Variants in RAB21 observed in about 807,000 individuals in gnomAD.
RAB21 encodes the protein RAB21, member RAS oncogene family, also known as ras-related protein Rab-21.
Under a neutral mutation model 33.1 loss-of-function variants are expected in RAB21, and 13 were observed. The observed-to-expected ratio is 0.39, with a 90% CI of 0.26 to 0.62. The LOEUF is 0.62. Ranked by LOEUF, RAB21 falls within the 20% of genes least tolerant of loss-of-function variation. The pLI is 0.48. For synonymous variants in RAB21, 91 were observed against 103.7 expected (o/e 0.88, Z 0.74); for missense variants, 234 against 279.1 (o/e 0.84, Z 1.15).
chr12:71,778,819 T>C (rs1330572358), intron 4 of RAB21, among the ~76,000 whole-genome samples: 2 of 152,130 alleles, frequency 1.3e-5, no homozygotes, highest in African/African-American at 2.4e-5. Context: ...TAAACTAAGT[T>C]AGCTAGATGA....
At chr12:71,770,529 A>G (rs560360765) in intron 2 of RAB21, 63 bp from the exon 3 acceptor site, 252 of 1,108,340 alleles carry the variant, frequency 2.3e-4, no homozygotes, top group African/African-American at 6.2e-4. Flanking sequence ...AAAGTTCACC[A>G]TAGTTGCAAT....
At chr12:71,765,845 G>A (rs1479132539) in intron 1 of RAB21, among the ~76,000 whole-genome samples, 11 of 151,844 alleles carry the variant, frequency 7.2e-5, no homozygotes. Context: ...CTATCTTGAT[G>A]TTTCAGCTTT....
rs1432013081 is a variant in RAB21, at chr12:71,775,183, A to G, written c.391+1161A>G. Among the ~76,000 whole-genome samples, 5 of 152,176 alleles carry G rather than the reference A, an allele frequency of 3.3e-5. 1 individual carries two copies. Among genetic ancestry groups the G allele is most frequent in the Admixed American group, 3.3e-4 (5 of 15,286 alleles). ...ATTTCTGTGATATCACAAGTATTGA[A>G]CAATAAAAGTATACTAAACACTGTG... On this transcript the variant is annotated intron_variant, in intron 4 of 6. Coordinates refer to ENST00000261263, the MANE Select transcript of RAB21 (RefSeq NM_014999.4).
chr12:71,781,592 C>G (rs1409861893), intron 4 of RAB21, among the ~76,000 whole-genome samples: 1 of 152,032 alleles, frequency 6.6e-6, no homozygotes, highest in Non-Finnish European at 1.5e-5. Flanking sequence ...TTGTAGGATC[C>G]AAGAGGCTAG....
Position 71,788,144 on chromosome 12 carries a change from A to G in RAB21, c.*2471A>G, listed in dbSNP as rs1267151556. On this transcript the variant is annotated 3_prime_UTR_variant, in exon 7 of 7. Coordinates refer to ENST00000261263, the MANE Select transcript of RAB21 (RefSeq NM_014999.4). Reference sequence around the variant, plus strand: ...TAAAAGGCACAAAAACTAGTTAGAGATGAAATTGAGCTTTATTTTAAAAAA... The same window carrying G: ...TAAAAGGCACAAAAACTAGTTAGAGGTGAAATTGAGCTTTATTTTAAAAAA... 6.6e-6 allele frequency: 1 copy of G among 152,076 alleles called. No homozygotes were observed. Among genetic ancestry groups the G allele is most frequent in the Non-Finnish European group, 1.5e-5 (1 of 68,030 alleles). 9.4% of individuals were successfully genotyped at this position (152,076 alleles called of 1,614,324 possible). A position where few individuals can be genotyped will look rare whatever the true frequency, so the allele number is the denominator to read the frequency against.
rs374205772 is a variant in RAB21, at chr12:71,783,924, T to C, written c.535+1266T>C. Among the ~76,000 whole-genome samples the C allele has an allele frequency of 2.1e-5, 3 of 146,204 alleles. No homozygotes were observed. In the East Asian group the frequency reaches 6.8e-4, roughly 33 times the overall value. ...ATGCACTAAGTCAGTGGCTTACAAATGTTATAAATATCACATCTTCAAAAC... is the reference window on the plus strand; with the variant it reads ...ATGCACTAAGTCAGTGGCTTACAAACGTTATAAATATCACATCTTCAAAAC... On this transcript the variant is annotated intron_variant, in intron 6 of 6. Coordinates refer to ENST00000261263, the MANE Select transcript of RAB21 (RefSeq NM_014999.4).
rs914386709 is a variant in RAB21, at chr12:71,792,008, G to A, written c.*6335G>A. On this transcript the variant is annotated 3_prime_UTR_variant, in exon 7 of 7. Transcript: ENST00000261263. The stretch of plus-strand genomic sequence containing the variant: ...GACTTCGAAGTAGCTGGTATTACAG[G>A]TGCATAACACCACCACCCACGCCTG... 2.6e-5 allele frequency: 4 copies of A among 152,070 alleles called. No individual in the cohort carries two copies. Among genetic ancestry groups the A allele is most frequent in the African/African-American group, 9.7e-5 (4 of 41,368 alleles). The allele number at this position is 152,070 out of a possible 1,614,324, so 9.4% of individuals were successfully genotyped here.
At chr12:71,784,024 A>G (rs1023282327) in intron 6 of RAB21, among the ~76,000 whole-genome samples, 1 of 152,252 alleles carries the variant, frequency 6.6e-6, no homozygotes, top group Non-Finnish European at 1.5e-5. Context: ...ATTTTAAAAC[A>G]TACCTAAAAA....
chr12:71,769,792 C>G lies in RAB21; in HGVS notation c.160-8C>G. The G allele has an allele frequency of 1.5e-6, 2 of 1,325,102 alleles. No individual in the cohort carries two copies. Among genetic ancestry groups the G allele is most frequent in the East Asian group, 2.7e-5 (1 of 37,274 alleles). 82.1% of individuals were successfully genotyped at this position (1,325,102 alleles called of 1,614,324 possible). A position where few individuals can be genotyped will look rare whatever the true frequency, so the allele number is the denominator to read the frequency against. ...GAAACATTGTTTAATGTTTATTTCT[C>G]TTTTTAGGCATCATTCTTAACAAAG... On this transcript the variant is annotated splice_region_variant and splice_polypyrimidine_tract_variant and intron_variant, in intron 1 of 6. Transcript: ENST00000261263.
At chr12:71,755,313 G>T in intron 1 of RAB21, 25 bp downstream of exon 1, 1 of 1,486,992 alleles carries the variant, frequency 6.7e-7, no homozygotes, top group Non-Finnish European at 8.9e-7. Flanking sequence ...GAGCGGGAGG[G>T]GGCGCCTCAG....
chr12:71,782,557 A>G lies in RAB21; in HGVS notation c.447-13A>G, dbSNP rs1337275717. ...ATATTTTACATCAATCACCGATGTT[A>G]CTTTTTTTTAAGGTATGCAGAATCT... On this transcript the variant is annotated splice_polypyrimidine_tract_variant and intron_variant, in intron 5 of 6. Coordinates refer to ENST00000261263, the MANE Select transcript of RAB21 (RefSeq NM_014999.4). The G allele has an allele frequency of 1.3e-6, 2 of 1,529,534 alleles. No individual in the cohort carries two copies. Among genetic ancestry groups the G allele is most frequent in the Non-Finnish European group, 1.8e-6 (2 of 1,119,848 alleles). 94.7% of individuals were successfully genotyped at this position (1,529,534 alleles called of 1,614,324 possible). A position where few individuals can be genotyped will look rare whatever the true frequency, so the allele number is the denominator to read the frequency against.
chr12:71,788,043 G>A lies in RAB21; in HGVS notation c.*2370G>A, dbSNP rs894299100. The A allele has an allele frequency of 2.6e-5, 4 of 152,190 alleles. No individual in the cohort carries two copies. The highest frequency in any genetic ancestry group is 5.9e-5 in the Non-Finnish European group (4 of 68,052). 9.4% of individuals were successfully genotyped at this position (152,190 alleles called of 1,614,324 possible). A position where few individuals can be genotyped will look rare whatever the true frequency, so the allele number is the denominator to read the frequency against. On this transcript the variant is annotated 3_prime_UTR_variant, in exon 7 of 7. Transcript: ENST00000261263. ...CATGCATTTGTAGGGCCAGCTACTT[G>A]GGAGAGTGAGGCAGGAGGATCACTT...
At chr12:71,755,354 T>G (rs1349911708) in intron 1 of RAB21, 66 bp downstream of exon 1, 6 of 1,413,902 alleles carry the variant, frequency 4.2e-6, no homozygotes, top group Non-Finnish European at 4.6e-6. Flanking sequence ...TGGGGAAACT[T>G]TGCCGCCCTG....
chr12:71,785,425 G>C, intron 6 of RAB21, 106 bp from the exon 7 acceptor site: 1 of 1,297,624 alleles, frequency 7.7e-7, no homozygotes. Context: ...TAGTTTCTTT[G>C]TTGGTCGAAA....
At chr12:71,760,730 T>A (rs1430007177) in intron 1 of RAB21, among the ~76,000 whole-genome samples, 5 of 152,118 alleles carry the variant, frequency 3.3e-5, no homozygotes, top group African/African-American at 1.2e-4. Flanking sequence ...TTTTTTTCCC[T>A]TATTGAAGGT....
intron 1 of RAB21, among the ~76,000 whole-genome samples, chr12:71,765,939 T>C (rs1592644437): frequency 6.6e-6 from 1 of 152,092 alleles, no homozygotes; most frequent in Non-Finnish European, 1.5e-5. Context: ...AGAAAATGTC[T>C]ATAAAATATT....
rs376485708 is a variant in RAB21 at position 71,770,657 on chromosome 12, G to A, written c.285G>A (p.Ala95=). ...TTTACTACAGAGATTCAAATGGAGCGATTTTAGTTTATGACATAACAGATG... is the reference window on the plus strand; with the variant it reads ...TTTACTACAGAGATTCAAATGGAGCAATTTTAGTTTATGACATAACAGATG... ...GPIYYRDSNG[A]ILVYDITDED... is the part of the protein sequence containing the mutation. Residue 95 remains alanine (A), a synonymous_variant, in exon 3 of 7, where the codon GCG becomes GCA. Transcript: ENST00000261263. 9.3e-6 allele frequency: 15 copies of A among 1,607,458 alleles called. No individual in the cohort carries two copies. In the African/African-American group the frequency reaches 1.6e-4, roughly 17 times the overall value.
intron 1 of RAB21, among the ~76,000 whole-genome samples, chr12:71,757,943 T>A (rs1314862753): frequency 6.6e-6 from 1 of 152,200 alleles, no homozygotes; most frequent in Non-Finnish European, 1.5e-5. Context: ...TCCCCCTTTT[T>A]TTTTTTAACA....
chr12:71,784,787 C>G (rs761299485), intron 6 of RAB21, among the ~76,000 whole-genome samples: 3 of 152,092 alleles, frequency 2.0e-5, no homozygotes, highest in Non-Finnish European at 4.4e-5. Context: ...TCTTAAACTC[C>G]ATTATTCTTC....
Sources: allele counts gnomAD v4.1 joint callset (sites outside exome capture counted in the v4.1 genomes callset), GRCh38; gene constraint gnomAD v4.1.1; transcripts MANE v1.5; gene names NCBI Gene and HGNC (gene_info 2026-07-23, HGNC 2026-07-21).